Variants in C10orf143 observed in about 807,000 individuals in gnomAD.
The protein encoded by C10orf143 is uncharacterized protein C10orf143.
intron 1 of C10orf143, among the ~76,000 whole-genome samples, chr10:130,087,908 T>C (rs563390063): frequency 3.1e-4 from 47 of 152,196 alleles, no homozygotes; most frequent in African/African-American, 1.1e-3. Context: ...GGGTGGAGAA[T>C]AGAGAAGAGG....
intron 1 of C10orf143, among the ~76,000 whole-genome samples, chr10:130,082,331 C>T (rs111446410): frequency 7.2e-5 from 11 of 151,960 alleles, no homozygotes; most frequent in African/African-American, 1.9e-4. Flanking sequence ...TTTTAATATA[C>T]GGTCCCAGGA....
chr10:130,098,475 C>T (rs1440134972), intron 1 of C10orf143, among the ~76,000 whole-genome samples: 1 of 152,218 alleles, frequency 6.6e-6, no homozygotes, highest in Non-Finnish European at 1.5e-5. Flanking sequence ...TTATAATTTT[C>T]CCTAAACAAA....
chr10:130,098,954 T>C (rs1441597706), intron 1 of C10orf143, among the ~76,000 whole-genome samples: 1 of 151,716 alleles, frequency 6.6e-6, no homozygotes, highest in Admixed American at 6.6e-5. Context: ...GGCGTAGTAG[T>C]GCACGCCTGT....
At chr10:130,050,358 C>G (rs1026442230) in intron 3 of C10orf143, among the ~76,000 whole-genome samples, 4 of 152,180 alleles carry the variant, frequency 2.6e-5, no homozygotes, top group Non-Finnish European at 5.9e-5. Context: ...TCACTTGAGC[C>G]CAGGAGTTCA....
Position 130,049,054 on chromosome 10 carries a change from G to A in C10orf143, c.298-13084C>T, listed in dbSNP as rs149395955. 9.9e-3 allele frequency among the ~76,000 whole-genome samples: 1,507 copies of A among 152,242 alleles called. 16 individuals carry two copies. The highest frequency in any genetic ancestry group is 0.041 in the East Asian group (213 of 5,176). On this transcript the variant is annotated intron_variant and NMD_transcript_variant, in intron 3 of 5. Transcript: ENST00000643056. The stretch of plus-strand genomic sequence containing the variant: ...CAGACGCTCTGAAATGTGCAAGGCC[G>A]CAGCTGGCCCCTAGGACTCCGGGGC...
chr10:130,074,113 G>T (rs1364582341), intron 3 of C10orf143, among the ~76,000 whole-genome samples: 1 of 152,212 alleles, frequency 6.6e-6, no homozygotes, highest in African/African-American at 2.4e-5. Context: ...CAGTCTTGGG[G>T]AGTGATGCCG....
intron 1 of C10orf143, among the ~76,000 whole-genome samples, chr10:130,093,705 C>T (rs1861418405): frequency 6.6e-6 from 1 of 151,990 alleles, no homozygotes; most frequent in Admixed American, 6.6e-5. Flanking sequence ...AAGAACCAAA[C>T]AGACACAATA....
chr10:130,053,867 G>A (rs1230799499), intron 3 of C10orf143, among the ~76,000 whole-genome samples: 1 of 152,230 alleles, frequency 6.6e-6, no homozygotes, highest in Non-Finnish European at 1.5e-5. Flanking sequence ...TGGGAGAGTG[G>A]GGGAAGGCCC....
chr10:130,056,588 CTATTT>C lies in C10orf143; in HGVS notation c.298-20623_298-20619del, dbSNP rs916086333. Among the ~76,000 whole-genome samples the C allele has an allele frequency of 5.3e-5, 8 of 152,104 alleles. No individual in the cohort carries two copies. Among genetic ancestry groups the C allele is most frequent in the African/African-American group, 1.4e-4 (6 of 41,498 alleles). The stretch of plus-strand genomic sequence containing the variant: ...TTCATTTTTTTAAATTAAATTAAAT[CTATTT>C]TATTTTATTTTATTTTGAAATGGAG... On this transcript the variant is annotated intron_variant and NMD_transcript_variant, in intron 3 of 5. Transcript: ENST00000643056. This position sits in a 1 kb window ranked among gnomAD's most constrained non-coding sequence, Gnocchi z 4.6.
At chr10:130,040,986 T>C (rs922126685) in intron 3 of C10orf143, among the ~76,000 whole-genome samples, 1 of 151,972 alleles carries the variant, frequency 6.6e-6, no homozygotes, top group Non-Finnish European at 1.5e-5. Flanking sequence ...CACTGGATCT[T>C]AGTGAGGGCC....
chr10:130,101,085 G>A (rs1477791358), intron 1 of C10orf143: 13 of 152,044 alleles, frequency 8.6e-5, no homozygotes, highest in African/African-American at 2.9e-4. Flanking sequence ...GGGGTGTGGT[G>A]GAGCGCACCT....
At chr10:130,105,785 G>C (rs1243901877) in intron 1 of C10orf143, among the ~76,000 whole-genome samples, 2 of 152,068 alleles carry the variant, frequency 1.3e-5, no homozygotes, top group Non-Finnish European at 2.9e-5. Context: ...CCCCACGGCT[G>C]CCTGGCCAAA....
At chr10:130,046,847 G>C (rs551643785) in intron 3 of C10orf143, among the ~76,000 whole-genome samples, 4 of 152,224 alleles carry the variant, frequency 2.6e-5, no homozygotes, top group Non-Finnish European at 5.9e-5. Context: ...CGCCAGTCAC[G>C]TTCCCCAGGG....
At chr10:130,103,275 A>T (rs1171730) in intron 1 of C10orf143, among the ~76,000 whole-genome samples, 81,273 of 151,594 alleles carry the variant, frequency 0.54, 24,241 homozygotes, top group Admixed American at 0.68. Flanking sequence ...TACCACGCAC[A>T]GCTGAGTCTT....
chr10:130,056,866 C>G lies in C10orf143; in HGVS notation c.298-20896G>C, dbSNP rs148470088. On this transcript the variant is annotated intron_variant and NMD_transcript_variant, in intron 3 of 5. Coordinates refer to the C10orf143 transcript ENST00000643056. This position sits in a 1 kb window ranked among gnomAD's most constrained non-coding sequence, Gnocchi z 4.6. ...TCGGTCTCCCAAAGTGCTGGGATTACAGGCGTGAGCCACTGTGCCCGGCCA... is the reference window on the plus strand; with the variant it reads ...TCGGTCTCCCAAAGTGCTGGGATTAGAGGCGTGAGCCACTGTGCCCGGCCA... Among the ~76,000 whole-genome samples the G allele has an allele frequency of 7.9e-3, 1,208 of 152,144 alleles. 14 individuals carry two copies. Among genetic ancestry groups the G allele is most frequent in the African/African-American group, 0.027 (1,139 of 41,502 alleles).
chr10:130,085,385 A>T (rs1861275232), intron 1 of C10orf143, among the ~76,000 whole-genome samples: 1 of 152,252 alleles, frequency 6.6e-6, no homozygotes, highest in East Asian at 1.9e-4. Context: ...AGATGGCACA[A>T]CATCACTTCT....
intron 3 of C10orf143, among the ~76,000 whole-genome samples, chr10:130,045,868 T>C (rs1209806557): frequency 6.6e-6 from 1 of 152,132 alleles, no homozygotes; most frequent in African/African-American, 2.4e-5. Flanking sequence ...GTGGCTGTTG[T>C]GGGGAATCCG....
chr10:130,060,651 A>C (rs192544813), downstream of C10orf143, among the ~76,000 whole-genome samples: 337 of 151,248 alleles, frequency 2.2e-3, 1 homozygote, highest in African/African-American at 6.5e-3. Context: ...GTGAAACCCC[A>C]TCTCTACTAA....
At chr10:130,079,013 A>G (rs1416882896) in intron 3 of C10orf143, among the ~76,000 whole-genome samples, 1 of 152,248 alleles carries the variant, frequency 6.6e-6, no homozygotes, top group African/African-American at 2.4e-5. Flanking sequence ...AAAATTAATA[A>G]CAAAGGTATT....
Sources: allele counts gnomAD v4.1 joint callset (sites outside exome capture counted in the v4.1 genomes callset), GRCh38; gene constraint gnomAD v4.1.1; non-coding constraint Gnocchi (gnomAD v3.1); transcripts MANE v1.5; gene names NCBI Gene and HGNC (gene_info 2026-07-23, HGNC 2026-07-21).